GRIP2: variants seen among roughly 807,000 people sequenced by gnomAD.
The protein encoded by GRIP2 is glutamate receptor-interacting protein 2.
GRIP2 carries 58 observed loss-of-function variants against 108.3 expected under a neutral mutation model. That is an observed-to-expected ratio of 0.54 (90% CI 0.43 to 0.67). The LOEUF is 0.67. Among genes scored for constraint, GRIP2 ranks in the 30% least tolerant of loss-of-function variants. The pLI, the probability that GRIP2 is intolerant of heterozygous loss-of-function variation, is 0.00. For synonymous variants in GRIP2, 586 were observed against 598.2 expected, an observed-to-expected ratio of 0.98 and a Z score of 0.30; for missense variants, 1,278 against 1,430.6, an observed-to-expected ratio of 0.89 and a Z score of 1.72.
At chr3:14,560,006 C>A (rs1695293836), upstream of GRIP2, among the ~76,000 whole-genome samples, 1 of 152,114 alleles carries the variant, frequency 6.6e-6, no homozygotes, top group South Asian at 2.1e-4. Flanking sequence ...TAATTCCAGC[C>A]CTTTGGGAGG....
chr3:14,587,396 T>C, the GRIP2 span, among the ~76,000 whole-genome samples: 1 of 152,124 alleles, frequency 6.6e-6, no homozygotes, highest in Non-Finnish European at 1.5e-5. Context: ...TCTTTTAGGC[T>C]GAGGTGTGTG....
chr3:14,497,493 G>A (rs1282038715), intron 21 of GRIP2, among the ~76,000 whole-genome samples: 1 of 152,168 alleles, frequency 6.6e-6, no homozygotes, highest in African/African-American at 2.4e-5. Flanking sequence ...AACAGCACGT[G>A]CAAAGCCCTG....
the GRIP2 span, among the ~76,000 whole-genome samples, chr3:14,599,677 C>CTGTGTGTGTGTG: frequency 9.7e-6 from 1 of 103,258 alleles, no homozygotes; most frequent in African/African-American, 4.0e-5. Flanking sequence ...CTCTCTCTCT[C>CTGTGTGTGTGTG]TCTCTCTCTG....
intron 19 of GRIP2, among the ~76,000 whole-genome samples, chr3:14,506,048 G>A (rs540791839): frequency 6.6e-6 from 1 of 152,332 alleles, no homozygotes; most frequent in Admixed American, 6.5e-5. Context: ...ACGGAAGGAG[G>A]CTGAACATGT....
At chr3:14,498,097 G>A (rs1693664651) in intron 21 of GRIP2, among the ~76,000 whole-genome samples, 1 of 152,182 alleles carries the variant, frequency 6.6e-6, no homozygotes, top group African/African-American at 2.4e-5. Flanking sequence ...TTAGTGCATA[G>A]TTCTATCTGA....
rs377105241 is a variant in GRIP2 at position 14,520,421 on chromosome 3, C to G, written c.829G>C (p.Asp277His). The change falls in exon 8 of 24, where the codon GAC (aspartate) becomes CAC (histidine). Residue 277 changes from aspartate (D) to histidine (H), a missense_variant. Coordinates refer to ENST00000621039, the MANE Select transcript of GRIP2 (RefSeq NM_001080423.4). ...SLRNKSVITI[D>H]RIKPASVVDR... Reference sequence around the variant, plus strand: ...ACCACGCTGGCTGGCTTGATGCGGTCGATGGTAATGACTGACTTGTTCCGG... The same window carrying G: ...ACCACGCTGGCTGGCTTGATGCGGTGGATGGTAATGACTGACTTGTTCCGG... The G allele has an allele frequency of 6.2e-7, 1 of 1,613,114 alleles. No homozygotes were observed. The highest frequency in any genetic ancestry group is 8.5e-7 in the Non-Finnish European group (1 of 1,179,544).
the GRIP2 span, among the ~76,000 whole-genome samples, chr3:14,594,432 G>A: frequency 5.3e-4 from 81 of 152,252 alleles, 1 homozygote; most frequent in Middle Eastern, 3.4e-3. Context: ...CTGGGAGCAG[G>A]CGTGACTCCC....
the GRIP2 span, among the ~76,000 whole-genome samples, chr3:14,567,957 C>T: frequency 6.6e-6 from 1 of 152,222 alleles, no homozygotes; most frequent in African/African-American, 2.4e-5. Flanking sequence ...CCATGCCCAA[C>T]CATGCAGATT....
chr3:14,531,471 G>A (rs1223360512), intron 1 of GRIP2, among the ~76,000 whole-genome samples: 1 of 152,198 alleles, frequency 6.6e-6, no homozygotes, highest in Non-Finnish European at 1.5e-5. Flanking sequence ...ATTTTGCGGG[G>A]CTCTGCCTGA....
At chr3:14,568,478 A>T in the GRIP2 span, among the ~76,000 whole-genome samples, 11 of 152,336 alleles carry the variant, frequency 7.2e-5, no homozygotes, top group Admixed American at 7.2e-4. Flanking sequence ...AGTGTCACAC[A>T]GCAAGGGAGT....
At chr3:14,516,343 A>G (rs1694247404) in intron 11 of GRIP2, among the ~76,000 whole-genome samples, 1 of 152,050 alleles carries the variant, frequency 6.6e-6, no homozygotes, top group Non-Finnish European at 1.5e-5. Context: ...GCCCAGTTTG[A>G]TCTTCTATCC....
chr3:14,510,955 A>T (rs765417933), intron 16 of GRIP2, among the ~76,000 whole-genome samples: 28 of 152,156 alleles, frequency 1.8e-4, no homozygotes, highest in Admixed American at 6.5e-4. Context: ...ACTCCTGTCC[A>T]CCTCACAGAG....
At position 14,505,725 on chromosome 3, in the gene GRIP2, C is replaced by T; in HGVS notation, c.2463G>A (p.Leu821=). The change falls in exon 20 of 24, where the codon CTG becomes CTA. Residue 821 remains leucine (L), a synonymous_variant. Coordinates refer to ENST00000621039, the MANE Select transcript of GRIP2 (RefSeq NM_001080423.4). The surrounding 1 kb of genome is among the most constrained non-coding windows in gnomAD (Gnocchi z 4.2). ...TTPQERRPGW[L]RGSPPPTEPR... ...GCTCGGTGGGTGGGGGGCTGCCCCT[C>T]AGCCAGCCAGGCCTCCGCTCCTGGG... 1 of 1,588,122 alleles carries T rather than the reference C, an allele frequency of 6.3e-7. No homozygotes were observed. The highest frequency in any genetic ancestry group is 8.6e-7 in the Non-Finnish European group (1 of 1,167,478).
chr3:14,573,414 T>C, the GRIP2 span: 1 of 1,347,466 alleles, frequency 7.4e-7, no homozygotes, highest in Non-Finnish European at 1.1e-6. Flanking sequence ...CACCAGGTAG[T>C]GCAGGATCCT....
chr3:14,520,545 G>A lies in GRIP2; in HGVS notation c.713-8C>T. On this transcript the variant is annotated splice_region_variant and splice_polypyrimidine_tract_variant and intron_variant, in intron 7 of 23. Transcript: ENST00000621039. ...AAGCATTAGCCACCGTGTCTGGCAT[G>A]ACGGAGAAAAAAAGTTTGAAATGCA... 1.9e-6 allele frequency: 3 copies of A among 1,613,430 alleles called. No individual in the cohort carries two copies. The highest frequency in any genetic ancestry group is 2.2e-5 in the East Asian group (1 of 44,866).
chr3:14,497,230 G>T (rs1461730491), intron 21 of GRIP2, among the ~76,000 whole-genome samples: 1 of 152,140 alleles, frequency 6.6e-6, no homozygotes, highest in East Asian at 1.9e-4. Context: ...GCTTCCCAAA[G>T]TGCTGGGATT....
chr3:14,602,537 G>A, the GRIP2 span, among the ~76,000 whole-genome samples: 1 of 151,818 alleles, frequency 6.6e-6, no homozygotes, highest in African/African-American at 2.4e-5. The surrounding 1 kb of genome is among the most constrained non-coding windows in gnomAD (Gnocchi z 4.7). Context: ...GAGCAGGTGA[G>A]GCACGTGGCC....
At chr3:14,497,657 C>G (rs1243802811) in intron 21 of GRIP2, among the ~76,000 whole-genome samples, 1 of 152,180 alleles carries the variant, frequency 6.6e-6, no homozygotes, top group Non-Finnish European at 1.5e-5. Context: ...GGTGACATAA[C>G]CAATGTGTGG....
the GRIP2 span, among the ~76,000 whole-genome samples, chr3:14,572,307 G>T: frequency 0.17 from 25,346 of 151,544 alleles, 2,337 homozygotes; most frequent in African/African-American, 0.23. Flanking sequence ...CTGGCCACAT[G>T]AGGTGGTCGT....
Sources: gnomAD v4.1 joint callset for allele counts (sites outside exome capture counted in the v4.1 genomes callset) on GRCh38, gnomAD v4.1.1 for gene constraint, Gnocchi (gnomAD v3.1) non-coding constraint, MANE v1.5 for transcripts, NCBI Gene and HGNC (gene_info 2026-07-23, HGNC 2026-07-21) for gene names.